FRMD6: variants seen among roughly 807,000 people sequenced by gnomAD.
FRMD6 encodes the protein FERM domain-containing protein 6.
A neutral mutation model predicts 73.2 loss-of-function variants in FRMD6; 37 were observed. The ratio of observed to expected loss-of-function variants is 0.51; its 90% CI spans 0.39 to 0.66. The LOEUF (loss-of-function observed/expected upper bound fraction) is 0.66, where lower values mean the gene tolerates loss of function less well. Among genes scored for constraint, FRMD6 ranks in the 30% least tolerant of loss-of-function variants. The pLI is 0.00. For synonymous variants in FRMD6, 273 were observed against 282.2 expected, an observed-to-expected ratio of 0.97 and a Z score of 0.33; for missense variants, 714 against 780.5, an observed-to-expected ratio of 0.91 and a Z score of 1.02.
At chr14:51,710,098 A>G (rs576614871) in intron 7 of FRMD6, among the ~76,000 whole-genome samples, 7 of 152,200 alleles carry the variant, frequency 4.6e-5, no homozygotes, top group Non-Finnish European at 8.8e-5. Context: ...GTTGAAGTAG[A>G]TATCCCCAAT....
rs985836818 is a variant in FRMD6, at chr14:51,598,438, G to A, written c.-147+28028G>A. On this transcript the variant is annotated intron_variant, in intron 2 of 14. Coordinates refer to the FRMD6 transcript ENST00000356218. ...TTAACTTTTAGTTTAGATTCATGGG[G>A]TACATGTACAAGTTTGTTAAGTAGG... Among the ~76,000 whole-genome samples, 9 of 152,148 alleles carry A rather than the reference G, an allele frequency of 5.9e-5. No homozygotes were observed. In the East Asian group the frequency reaches 7.7e-4, roughly 13 times the overall value.
chr14:51,608,100 A>G (rs547498598), intron 2 of FRMD6, among the ~76,000 whole-genome samples: 10 of 152,326 alleles, frequency 6.6e-5, no homozygotes, highest in African/African-American at 2.4e-4. Context: ...TTCTGGGAAA[A>G]GGAGACTGCG....
At chr14:51,644,529 A>G (rs529291599) in intron 2 of FRMD6, among the ~76,000 whole-genome samples, 5 of 152,324 alleles carry the variant, frequency 3.3e-5, no homozygotes, top group African/African-American at 1.2e-4. Context: ...ATCTGTGCTC[A>G]CGTGAAGCTT....
At chr14:51,403,232 C>T in the FRMD6 span, among the ~76,000 whole-genome samples, 7 of 152,278 alleles carry the variant, frequency 4.6e-5, no homozygotes, top group South Asian at 1.5e-3. Flanking sequence ...GTGGGCTCTT[C>T]CTCTTTCAGA....
chr14:51,667,452 G>A (rs2140211447), intron 1 of FRMD6, among the ~76,000 whole-genome samples: 1 of 152,260 alleles, frequency 6.6e-6, no homozygotes, highest in South Asian at 2.1e-4. Flanking sequence ...ATTTTGTGTG[G>A]TTGCGTATGT....
chr14:51,614,838 A>G (rs1053049872), intron 2 of FRMD6, among the ~76,000 whole-genome samples: 1 of 152,178 alleles, frequency 6.6e-6, no homozygotes, highest in African/African-American at 2.4e-5. Context: ...GGCCATCAGC[A>G]TACTTCCAAT....
upstream of FRMD6, chr14:51,649,483 T>C (rs1226844554): frequency 2.6e-5 from 4 of 152,312 alleles, no homozygotes; most frequent in South Asian, 8.3e-4. Flanking sequence ...TTTTGATTCA[T>C]GAAACCTGAA....
intron 1 of FRMD6, among the ~76,000 whole-genome samples, chr14:51,511,523 A>G (rs1282030708): frequency 2.0e-5 from 3 of 152,260 alleles, no homozygotes; most frequent in Non-Finnish European, 4.4e-5. Flanking sequence ...AAAGGAATGT[A>G]AGACATTGGG....
At chr14:51,520,408 T>G (rs1050396190) in intron 1 of FRMD6, among the ~76,000 whole-genome samples, 2 of 152,224 alleles carry the variant, frequency 1.3e-5, no homozygotes, top group Non-Finnish European at 2.9e-5. Flanking sequence ...ATCAGTATTA[T>G]TCTATGATAC....
At chr14:51,528,580 T>G (rs769684278) in intron 1 of FRMD6, among the ~76,000 whole-genome samples, 2 of 152,266 alleles carry the variant, frequency 1.3e-5, no homozygotes, top group Middle Eastern at 3.4e-3. Context: ...AACCAATGGT[T>G]TTACTTTTAT....
At chr14:51,466,023 G>A in the FRMD6 span, among the ~76,000 whole-genome samples, 31 of 152,084 alleles carry the variant, frequency 2.0e-4, 2 homozygotes, top group South Asian at 1.9e-3. Flanking sequence ...TTTCACTGTC[G>A]TTTTAATATT....
intron 2 of FRMD6, among the ~76,000 whole-genome samples, chr14:51,602,160 C>T (rs1295888482): frequency 1.3e-5 from 2 of 152,092 alleles, no homozygotes; most frequent in Non-Finnish European, 2.9e-5. Flanking sequence ...ATCAGATGCT[C>T]CAAGAAATAG....
At chr14:51,660,851 G>A (rs1893172941) in intron 1 of FRMD6, among the ~76,000 whole-genome samples, 1 of 152,096 alleles carries the variant, frequency 6.6e-6, no homozygotes, top group Middle Eastern at 3.2e-3. Context: ...GAGGAAGAGA[G>A]CCACACAGAG....
intron 2 of FRMD6, among the ~76,000 whole-genome samples, chr14:51,608,155 C>G (rs369973854): frequency 1.3e-5 from 2 of 152,202 alleles, no homozygotes; most frequent in African/African-American, 4.8e-5. Context: ...TAGGAGCCTA[C>G]GAGCTGTGAT....
the FRMD6 span, among the ~76,000 whole-genome samples, chr14:51,399,161 C>A: frequency 6.6e-6 from 1 of 152,320 alleles, no homozygotes; most frequent in Non-Finnish European, 1.5e-5. Context: ...CTTACCCTTT[C>A]GTCATTCCCT....
At position 51,504,469 on chromosome 14, in the gene FRMD6, T is replaced by G. The variant is rs569991373; in HGVS notation, c.-210+15049T>G. 2.0e-5 allele frequency among the ~76,000 whole-genome samples: 3 copies of G among 152,336 alleles called. No individual in the cohort carries two copies. The East Asian group carries it at 5.8e-4, about 29-fold the overall frequency. On this transcript the variant is annotated intron_variant, in intron 1 of 14. Transcript: ENST00000356218. ...TTTTTGGTAGAGCAGGTGTGTACTT[T>G]TTTTGTGCTGGCTGGAGATGTGAGC...
chr14:51,663,971 C>T (rs1893402401), intron 1 of FRMD6, among the ~76,000 whole-genome samples: 1 of 152,202 alleles, frequency 6.6e-6, no homozygotes, highest in Non-Finnish European at 1.5e-5. Flanking sequence ...GACTCAGTCA[C>T]CTCTTGTTAG....
At chr14:51,727,489 G>A (rs4243581) in intron 13 of FRMD6, among the ~76,000 whole-genome samples, 41,734 of 152,058 alleles carry the variant, frequency 0.27, 6,054 homozygotes, top group East Asian at 0.35. Flanking sequence ...AAGATTAAAT[G>A]AGTTAATGCA....
the FRMD6 span, among the ~76,000 whole-genome samples, chr14:51,414,425 T>C: frequency 7.2e-5 from 11 of 152,192 alleles, no homozygotes; most frequent in Non-Finnish European, 1.5e-4. Context: ...TTTTCCCATT[T>C]CTTGTGTTTG....
Sources: gnomAD v4.1 joint callset for allele counts (sites outside exome capture counted in the v4.1 genomes callset) on GRCh38, gnomAD v4.1.1 for gene constraint, MANE v1.5 for transcripts, NCBI Gene and HGNC (gene_info 2026-07-23, HGNC 2026-07-21) for gene names.